Variants in FAM114A2 observed in about 807,000 individuals in gnomAD.
FAM114A2 encodes the protein protein FAM114A2.
In FAM114A2, 53 loss-of-function variants were observed where a neutral mutation model predicts 58.4. That is an observed-to-expected ratio of 0.91 (90% confidence interval 0.73 to 1.14). FAM114A2 has a LOEUF of 1.14. FAM114A2 is among the 50% of genes most tolerant of loss of function. FAM114A2 has a pLI of 0.00. For synonymous variants in FAM114A2, 228 were observed against 211.4 expected (o/e 1.08, Z -0.68); for missense variants, 601 against 581.1 (o/e 1.03, Z -0.35).
chr5:154,027,428 A>T (rs1231421433), intron 6 of FAM114A2, 94 bp from the exon 7 acceptor site: 3 of 959,508 alleles, frequency 3.1e-6, no homozygotes. Flanking sequence ...GACAGGTTAG[A>T]GTACAGAGGA....
intron 1 of FAM114A2, among the ~76,000 whole-genome samples, chr5:154,037,644 A>G (rs573039657): frequency 2.0e-5 from 3 of 152,326 alleles, no homozygotes; most frequent in East Asian, 1.9e-4. Context: ...ACAGTATACT[A>G]TATGTAGAAT....
chr5:154,012,264 T>C (rs903993001), intron 8 of FAM114A2, among the ~76,000 whole-genome samples: 1 of 152,156 alleles, frequency 6.6e-6, no homozygotes, highest in Non-Finnish European at 1.5e-5. Flanking sequence ...TTGTGAAAGA[T>C]GATGGAGAAC....
intron 9 of FAM114A2, among the ~76,000 whole-genome samples, chr5:154,004,171 T>C (rs1019440556): frequency 6.6e-6 from 1 of 152,224 alleles, no homozygotes; most frequent in Non-Finnish European, 1.5e-5. Flanking sequence ...CATTAAGCAA[T>C]GCATGATTGT....
chr5:154,038,909 C>G lies in FAM114A2; in HGVS notation c.-67G>C, dbSNP rs1215678281. Reference sequence around the variant, plus strand: ...CACGGCAGCCGACTCGGCGTTCCTACTGCCCCGGAAGTGCTCCTTCAGCGC... The same window carrying G: ...CACGGCAGCCGACTCGGCGTTCCTAGTGCCCCGGAAGTGCTCCTTCAGCGC... On this transcript the variant is annotated 5_prime_UTR_variant, in exon 1 of 14. Coordinates refer to ENST00000351797, the MANE Select transcript of FAM114A2 (RefSeq NM_018691.4). 6.6e-6 allele frequency: 1 copy of G among 152,564 alleles called. No individual in the cohort carries two copies. The highest frequency in any genetic ancestry group is 2.4e-5 in the African/African-American group (1 of 41,472). The allele number at this position is 152,564 out of a possible 1,614,324, so 9.5% of individuals were successfully genotyped here.
intron 8 of FAM114A2, among the ~76,000 whole-genome samples, chr5:154,022,031 C>T (rs1378165123): frequency 1.3e-5 from 2 of 152,172 alleles, no homozygotes; most frequent in Admixed American, 6.5e-5. Context: ...CTGACCAAAA[C>T]AAGCAATGGG....
At position 154,034,831 on chromosome 5, in the gene FAM114A2, A is replaced by G. The variant is rs1216674729; in HGVS notation, c.123T>C (p.Ser41=). 5.6e-6 allele frequency: 9 copies of G among 1,613,766 alleles called. No homozygotes were observed. Among genetic ancestry groups the G allele is most frequent in the Non-Finnish European group, 7.6e-6 (9 of 1,179,900 alleles). The change falls in exon 2 of 14, where the codon AGT becomes AGC. Residue 41 remains serine (S), a synonymous_variant. Coordinates refer to ENST00000351797, the MANE Select transcript of FAM114A2 (RefSeq NM_018691.4). Reference sequence around the variant, plus strand: ...GAGTGGAAACTACAGGTTCTGATTTACTCTCTGGTTTGGCACCTTGGTCAA... The same window carrying G: ...GAGTGGAAACTACAGGTTCTGATTTGCTCTCTGGTTTGGCACCTTGGTCAA... ...ESVDQGAKPE[S]KSEPVVSTRK...
chr5:154,023,628 G>T (rs1320582526), intron 8 of FAM114A2, among the ~76,000 whole-genome samples: 1 of 152,106 alleles, frequency 6.6e-6, no homozygotes, highest in Admixed American at 6.5e-5. Flanking sequence ...CAGGGGGAAA[G>T]GATGGGAAGG....
chr5:154,033,630 C>T (rs1581840776), intron 4 of FAM114A2, among the ~76,000 whole-genome samples, 161 bp downstream of exon 4: 1 of 152,202 alleles, frequency 6.6e-6, no homozygotes, highest in Non-Finnish European at 1.5e-5. Context: ...AGTTAAAGGA[C>T]ATAGATGTCT....
intron 11 of FAM114A2, 105 bp downstream of exon 11, chr5:154,002,146 T>C: frequency 1.0e-6 from 1 of 990,092 alleles, no homozygotes; most frequent in Non-Finnish European, 1.6e-6. Context: ...TGTGGATGGG[T>C]GTGACGTGAA....
intron 8 of FAM114A2, among the ~76,000 whole-genome samples, chr5:154,014,455 G>A (rs533366401): frequency 5.3e-5 from 8 of 152,210 alleles, no homozygotes; most frequent in South Asian, 2.1e-4. Context: ...TGCAGGACCC[G>A]GGAGACATCT....
At chr5:154,008,708 G>A (rs560914836) in intron 9 of FAM114A2, among the ~76,000 whole-genome samples, 6 of 152,184 alleles carry the variant, frequency 3.9e-5, no homozygotes, top group African/African-American at 1.4e-4. Flanking sequence ...GTGTGTGTAT[G>A]CAAATATTCC....
chr5:153,998,771 C>T (rs1473979625), intron 11 of FAM114A2, among the ~76,000 whole-genome samples: 1 of 152,024 alleles, frequency 6.6e-6, no homozygotes, highest in Non-Finnish European at 1.5e-5. Flanking sequence ...AGCCTCTTTT[C>T]TTTGTAAATT....
chr5:154,006,400 T>C, intron 9 of FAM114A2, among the ~76,000 whole-genome samples: 1 of 152,032 alleles, frequency 6.6e-6, no homozygotes, highest in South Asian at 2.1e-4. Context: ...TCAGGAAGGG[T>C]CTCTGAAAAG....
In FAM114A2 at chr5:154,027,176, C is replaced by T. The variant is rs1302781907; in HGVS notation, c.789G>A (p.Lys263=). ...LEMLSQESEI[K]VKSILNSLSG... ...AGTTGAGATTTTGGCTTGGAATTAC[C>T]TTTATTTCACTTTCTTGGGAAAGCA... The change falls in exon 7 of 14, where the codon AAG becomes AAA. Residue 263 remains lysine, a splice_region_variant and synonymous_variant. Transcript: ENST00000351797. 2 of 1,606,400 alleles carry T rather than the reference C, an allele frequency of 1.2e-6. No homozygotes were observed. Among genetic ancestry groups the T allele is most frequent in the Non-Finnish European group, 1.7e-6 (2 of 1,177,616 alleles).
chr5:154,024,937 A>G (rs777194583), intron 8 of FAM114A2, among the ~76,000 whole-genome samples: 4 of 152,190 alleles, frequency 2.6e-5, no homozygotes, highest in Non-Finnish European at 5.9e-5. Context: ...AGCAGCAAAT[A>G]TGTTTTACAA....
intron 4 of FAM114A2, among the ~76,000 whole-genome samples, chr5:154,031,027 C>T (rs1414183283): frequency 6.6e-6 from 1 of 152,034 alleles, no homozygotes; most frequent in African/African-American, 2.4e-5. Flanking sequence ...TACAAAAAGT[C>T]TTGGCCAGAC....
At chr5:154,037,450 C>A (rs956178057) in intron 1 of FAM114A2, 3 of 152,232 alleles carry the variant, frequency 2.0e-5, no homozygotes, top group African/African-American at 7.2e-5. Context: ...AGTAGTACCA[C>A]AGTACCTGTG....
At chr5:154,009,152 T>C (rs898175180) in intron 9 of FAM114A2, among the ~76,000 whole-genome samples, 9 of 152,142 alleles carry the variant, frequency 5.9e-5, no homozygotes, top group Non-Finnish European at 1.3e-4. Flanking sequence ...CAAAAGGGAA[T>C]GAATCATGCT....
Position 153,992,745 on chromosome 5 carries a change from C to T in FAM114A2, c.*231G>A, listed in dbSNP as rs916276521. ...AGAGTTATTATTCTTGGACTTTCTA[C>T]AAAAGTTTCTTTTCAAATAATTTAT... On this transcript the variant is annotated 3_prime_UTR_variant, in exon 14 of 14. Transcript: ENST00000351797. 7.0e-5 allele frequency: 24 copies of T among 342,900 alleles called. No individual in the cohort carries two copies. Among genetic ancestry groups the T allele is most frequent in the Middle Eastern group, 7.7e-4 (1 of 1,302 alleles). 21.2% of individuals were successfully genotyped at this position (342,900 alleles called of 1,614,324 possible).
Sources: gnomAD v4.1 joint callset for allele counts (sites outside exome capture counted in the v4.1 genomes callset) on GRCh38, gnomAD v4.1.1 for gene constraint, MANE v1.5 for transcripts, NCBI Gene and HGNC (gene_info 2026-07-23, HGNC 2026-07-21) for gene names.